The following SULF2 variants were observed in gnomAD, a reference collection of about 807,000 sequenced individuals.
SULF2 encodes extracellular sulfatase Sulf-2.
SULF2 carries 52 observed loss-of-function variants against 107.7 expected under a neutral mutation model. That is an observed-to-expected ratio of 0.48 (90% confidence interval 0.39 to 0.61). The LOEUF (loss-of-function observed/expected upper bound fraction) is 0.61. Among genes scored for constraint, SULF2 ranks in the 20% least tolerant of loss-of-function variants. The probability of loss-of-function intolerance (pLI) is 0.00; values close to 1 mark genes in which losing one functional copy is unlikely to be tolerated. For missense variants in SULF2, 993 were observed against 1,177.3 expected (o/e 0.84, Z 2.29); for synonymous variants, 460 against 464.3 (o/e 0.99, Z 0.12).
At chr20:47,755,400 C>G (rs549184112) in intron 2 of SULF2, among the ~76,000 whole-genome samples, 1 of 152,164 alleles carries the variant, frequency 6.6e-6, no homozygotes, top group Non-Finnish European at 1.5e-5. Flanking sequence ...GTCACAGATG[C>G]AAAATTCAGT....
intron 2 of SULF2, among the ~76,000 whole-genome samples, chr20:47,751,608 G>C (rs575758155): frequency 6.6e-6 from 1 of 152,292 alleles, no homozygotes; most frequent in East Asian, 1.9e-4. Context: ...GAAAGCTGAG[G>C]TCAGGGAGAT....
At chr20:47,676,417 G>A (rs1338140739) in intron 10 of SULF2, 77 bp downstream of exon 10, 29 of 1,524,454 alleles carry the variant, frequency 1.9e-5, no homozygotes, top group East Asian at 4.6e-5. Flanking sequence ...CTGGCTCAGC[G>A]GCTCTCAGAG....
Position 47,663,611 on chromosome 20 carries a change from T to C in SULF2, c.2069A>G (p.Gln690Arg), listed in dbSNP as rs759393034. ...CAACAGCCACACCTTGTCCTTCTCT[T>C]GCAGGCCCTTCCTATGGGCGCAGAG... is the stretch of plus-strand genomic sequence containing the variant. ...SSLHPFRKGL[Q>R]EKDKVWLLRE... The change falls in exon 16 of 21, where the codon CAA becomes CGA. Residue 690 changes from glutamine to arginine, a missense_variant. Around this residue, in one of 3 missense-constraint regions of SULF2, gnomAD observed 497 missense variants for 544.1 expected, o/e 0.91. Transcript: ENST00000688720. 6.3e-7 allele frequency: 1 copy of C among 1,591,650 alleles called. No homozygotes were observed. Among genetic ancestry groups the C allele is most frequent in the Non-Finnish European group, 8.6e-7 (1 of 1,168,438 alleles).
Position 47,680,326 on chromosome 20 carries a change from C to T in SULF2, c.1065-1522G>A, listed in dbSNP as rs753101690. Among the ~76,000 whole-genome samples the T allele has an allele frequency of 1.3e-5, 2 of 152,262 alleles. No homozygotes were observed. The highest frequency in any genetic ancestry group is 2.9e-5 in the Non-Finnish European group (2 of 68,044). The stretch of plus-strand genomic sequence containing the variant: ...CCATGTTGGCCAGGCTACTCTTGAA[C>T]TCCTGACCTCAGGTGATACATCCGC... On this transcript the variant is annotated intron_variant, in intron 7 of 20. Transcript: ENST00000688720. The surrounding 1 kb of genome is among the most constrained non-coding windows in gnomAD (Gnocchi z 4.2).
At chr20:47,698,737 A>G (rs1010521673) in intron 4 of SULF2, among the ~76,000 whole-genome samples, 2 of 152,148 alleles carry the variant, frequency 1.3e-5, no homozygotes, top group African/African-American at 4.8e-5. Context: ...ATTAAAAAAA[A>G]TTACCCTATA....
chr20:47,665,207 G>C lies in SULF2; in HGVS notation c.1989C>G (p.His663Gln). 1 of 1,612,772 alleles carries C rather than the reference G, an allele frequency of 6.2e-7. No homozygotes were observed. Among genetic ancestry groups the C allele is most frequent in the Non-Finnish European group, 8.5e-7 (1 of 1,178,716 alleles). ...KKKRPEECDCHKISYHTQHKG... is the reference protein window; with the variant it reads ...KKKRPEECDCQKISYHTQHKG... ...CTTTGCTACTGCCTCACCTGATTTT[G>C]TGACAGTCACATTCTTCTGGCCGCT... The change falls in exon 14 of 21, where the codon CAC (histidine) becomes CAG (glutamine). Residue 663 changes from histidine (H) to glutamine (Q), a missense_variant. Around this residue, in one of 3 missense-constraint regions of SULF2, gnomAD observed 497 missense variants for 544.1 expected, o/e 0.91. Coordinates refer to ENST00000688720, the MANE Select transcript of SULF2 (RefSeq NM_001387048.1).
chr20:47,671,181 G>A (rs933257282), intron 11 of SULF2, among the ~76,000 whole-genome samples: 1 of 152,242 alleles, frequency 6.6e-6, no homozygotes, highest in South Asian at 2.1e-4. Context: ...CCTGCTCCCT[G>A]GCTTCTGTCT....
intron 7 of SULF2, among the ~76,000 whole-genome samples, chr20:47,679,518 C>A (rs1707141002): frequency 6.6e-6 from 1 of 152,212 alleles, no homozygotes; most frequent in African/African-American, 2.4e-5. Flanking sequence ...TGGTTTCTTT[C>A]TCCCCTTGCT....
chr20:47,708,074 G>A (rs2088807585), intron 3 of SULF2, among the ~76,000 whole-genome samples: 1 of 152,238 alleles, frequency 6.6e-6, no homozygotes, highest in African/African-American at 2.4e-5. Context: ...AACACCTACG[G>A]TATGCAGGGA....
intron 1 of SULF2, among the ~76,000 whole-genome samples, chr20:47,780,301 GCCA>G (rs1388447049): frequency 6.6e-6 from 1 of 151,888 alleles, no homozygotes; most frequent in East Asian, 1.9e-4. Context: ...TCAGGCGTGA[GCCA>G]CCACGCCTGG....
chr20:47,659,108 C>G (rs1015606348), intron 20 of SULF2, among the ~76,000 whole-genome samples: 18 of 152,252 alleles, frequency 1.2e-4, no homozygotes, highest in Admixed American at 7.2e-4. Context: ...CTTCAAGATG[C>G]CTAGCAATTT....
chr20:47,676,111 T>C (rs1274453931), intron 10 of SULF2, among the ~76,000 whole-genome samples: 1 of 152,226 alleles, frequency 6.6e-6, no homozygotes, highest in Non-Finnish European at 1.5e-5. Flanking sequence ...AAAAGCCATG[T>C]CTTATTACTC....
chr20:47,736,196 C>T (rs1490410547), intron 3 of SULF2, among the ~76,000 whole-genome samples: 3 of 152,256 alleles, frequency 2.0e-5, no homozygotes, highest in Admixed American at 1.3e-4. Context: ...CAGGATGACA[C>T]GGGTGAGTGT....
chr20:47,682,958 G>A (rs761497748), intron 7 of SULF2, 36 bp downstream of exon 7: 28 of 1,548,386 alleles, frequency 1.8e-5, no homozygotes, highest in Admixed American at 7.5e-5. Context: ...CTGGGCCCAG[G>A]GGCCTCCCTG....
chr20:47,688,659 G>A (rs2088095920), intron 5 of SULF2, among the ~76,000 whole-genome samples: 1 of 152,172 alleles, frequency 6.6e-6, no homozygotes, highest in African/African-American at 2.4e-5. Context: ...GTGGAGAGGA[G>A]TGGGCTTGGG....
At chr20:47,745,985 A>C (rs2090026516) in intron 2 of SULF2, among the ~76,000 whole-genome samples, 1 of 152,220 alleles carries the variant, frequency 6.6e-6, no homozygotes, top group African/African-American at 2.4e-5. Context: ...GCGAGATTTC[A>C]CATCAATTCA....
chr20:47,758,315 G>A (rs1393069821), intron 1 of SULF2, among the ~76,000 whole-genome samples: 2 of 151,886 alleles, frequency 1.3e-5, no homozygotes, highest in Non-Finnish European at 2.9e-5. Context: ...GATTACAGGC[G>A]CCTGCCACCA....
At chr20:47,736,514 A>G (rs967838161) in intron 3 of SULF2, among the ~76,000 whole-genome samples, 189 bp downstream of exon 3, 1 of 152,208 alleles carries the variant, frequency 6.6e-6, no homozygotes, top group Non-Finnish European at 1.5e-5. Context: ...TTACATCACT[A>G]CTGTAGGCAA....
At chr20:47,691,899 T>A (rs1431175694) in intron 4 of SULF2, among the ~76,000 whole-genome samples, 1 of 152,166 alleles carries the variant, frequency 6.6e-6, no homozygotes, top group Admixed American at 6.5e-5. Context: ...AATTTTTTTT[T>A]GGTCATGGAG....
Sources: allele counts gnomAD v4.1 joint callset (sites outside exome capture counted in the v4.1 genomes callset), GRCh38; gene constraint gnomAD v4.1.1; regional missense constraint gnomAD v4.1.1; non-coding constraint Gnocchi (gnomAD v3.1); transcripts MANE v1.5; gene names NCBI Gene and HGNC (gene_info 2026-07-23, HGNC 2026-07-21).